The following SAMD5 variants were observed in gnomAD, a reference collection of about 807,000 sequenced individuals.
SAMD5 encodes the protein sterile alpha motif domain-containing protein 5.
SAMD5 carries 13 observed loss-of-function variants against 11.3 expected under a neutral mutation model. The observed-to-expected ratio is 1.15, with a 90% confidence interval of 0.75 to 1.83. The LOEUF is 1.83. Ranked by LOEUF, SAMD5 falls within the 40% of genes most tolerant of loss-of-function variation. SAMD5 has a pLI of 0.00. For missense variants in SAMD5, 255 were observed against 239.1 expected, an observed-to-expected ratio of 1.07 and a Z score of -0.44; for synonymous variants, 129 against 111.3, an observed-to-expected ratio of 1.16 and a Z score of -1.00.
intron 1 of SAMD5, among the ~76,000 whole-genome samples, chr6:147,599,520 T>G (rs6914840): frequency 0.34 from 52,195 of 152,092 alleles, 9,152 homozygotes; most frequent in South Asian, 0.37. Context: ...TTTAAATTCT[T>G]TTTTTCCAGA....
chr6:147,779,253 C>G, the SAMD5 span, among the ~76,000 whole-genome samples: 1 of 151,856 alleles, frequency 6.6e-6, no homozygotes, highest in Non-Finnish European at 1.5e-5. Flanking sequence ...GTTATTTTTC[C>G]TTGAAACTGC....
chr6:147,918,649 C>T, the SAMD5 span, among the ~76,000 whole-genome samples: 1 of 150,226 alleles, frequency 6.7e-6, no homozygotes, highest in Admixed American at 6.6e-5. Context: ...TCAGGGAAGA[C>T]TCAGGATACA....
chr6:147,754,941 C>T, the SAMD5 span, among the ~76,000 whole-genome samples: 2 of 151,972 alleles, frequency 1.3e-5, no homozygotes, highest in Non-Finnish European at 2.9e-5. Flanking sequence ...TATGCCAGTA[C>T]CATGCTGTTT....
At chr6:147,681,379 T>C (rs1790938127) in intron 1 of SAMD5, among the ~76,000 whole-genome samples, 1 of 152,106 alleles carries the variant, frequency 6.6e-6, no homozygotes, top group Non-Finnish European at 1.5e-5. Flanking sequence ...TCATAAAGTG[T>C]TTTGTTTGGG....
intron 1 of SAMD5, among the ~76,000 whole-genome samples, chr6:147,708,802 GA>G (rs1303067721): frequency 6.6e-6 from 1 of 152,182 alleles, no homozygotes; most frequent in Non-Finnish European, 1.5e-5. Flanking sequence ...GAGCCTCACA[GA>G]AGGATTTATG....
the SAMD5 span, among the ~76,000 whole-genome samples, chr6:147,910,714 T>C: frequency 2.6e-5 from 4 of 152,254 alleles, no homozygotes; most frequent in Non-Finnish European, 5.9e-5. Context: ...TAATTTGTGC[T>C]GGCCAGTCTA....
chr6:147,692,909 C>T (rs148337461), intron 1 of SAMD5, among the ~76,000 whole-genome samples: 137 of 152,328 alleles, frequency 9.0e-4, no homozygotes, highest in African/African-American at 2.9e-3. Context: ...CTCTTTAGCA[C>T]ACAATCTCCA....
the SAMD5 span, among the ~76,000 whole-genome samples, chr6:147,824,744 A>G: frequency 1.3e-5 from 2 of 152,164 alleles, no homozygotes; most frequent in African/African-American, 2.4e-5. Flanking sequence ...CTTACATACA[A>G]TAATTTTGTG....
the SAMD5 span, among the ~76,000 whole-genome samples, chr6:147,840,654 C>G: frequency 6.6e-6 from 1 of 152,202 alleles, no homozygotes; most frequent in South Asian, 2.1e-4. Flanking sequence ...CAAGAATTAT[C>G]TCTGCTGGTT....
chr6:147,514,404 G>A (rs1292787856), intron 1 of SAMD5, among the ~76,000 whole-genome samples: 2 of 151,868 alleles, frequency 1.3e-5, no homozygotes, highest in African/African-American at 4.8e-5. Context: ...AATGTTAGAT[G>A]TTGTGATCTA....
At chr6:147,817,456 C>A in the SAMD5 span, among the ~76,000 whole-genome samples, 1 of 152,364 alleles carries the variant, frequency 6.6e-6, no homozygotes, top group South Asian at 2.1e-4. Context: ...GAGGTTTCTT[C>A]ATAAAGTCAG....
intron 1 of SAMD5, among the ~76,000 whole-genome samples, chr6:147,729,281 G>T (rs1177938564): frequency 6.6e-6 from 1 of 152,126 alleles, no homozygotes; most frequent in African/African-American, 2.4e-5. Context: ...TTGGGGCTAG[G>T]ACTCAACATA....
At chr6:147,803,240 C>A in the SAMD5 span, among the ~76,000 whole-genome samples, 13 of 137,770 alleles carry the variant, frequency 9.4e-5, no homozygotes, top group African/African-American at 3.5e-4. Flanking sequence ...GTATATGTTT[C>A]TTCGTTGATT....
the SAMD5 span, among the ~76,000 whole-genome samples, chr6:147,904,240 G>A: frequency 3.3e-5 from 5 of 152,260 alleles, no homozygotes; most frequent in South Asian, 8.3e-4. Context: ...GTAGCCAGGG[G>A]ACTAGTTTTC....
At chr6:147,735,659 T>A (rs1228460010) in intron 1 of SAMD5, among the ~76,000 whole-genome samples, 3 of 152,192 alleles carry the variant, frequency 2.0e-5, no homozygotes, top group Admixed American at 6.5e-5. Flanking sequence ...TTTACTATTT[T>A]TTTTTTTTAC....
rs1789297985 is a variant in SAMD5, at chr6:147,581,539, A to AG, written c.162+72153dup. ...AGGAACAGGAAGGAGCTTTGAACCA[A>AG]GTAGGAGGGCAAAAACCAAGAGAAG... On this transcript the variant is annotated intron_variant, in intron 1 of 1. Coordinates refer to the SAMD5 transcript ENST00000566741. Among the ~76,000 whole-genome samples, 4 of 152,062 alleles carry AG rather than the reference A, an allele frequency of 2.6e-5. No individual in the cohort carries two copies. In the South Asian group the frequency reaches 8.3e-4, roughly 32 times the overall value.
chr6:147,790,364 A>G, the SAMD5 span, among the ~76,000 whole-genome samples: 1 of 152,214 alleles, frequency 6.6e-6, no homozygotes, highest in African/African-American at 2.4e-5. Context: ...AAAATGCCTA[A>G]TGATCAAAAC....
At chr6:147,951,012 T>G in the SAMD5 span, among the ~76,000 whole-genome samples, 1 of 151,290 alleles carries the variant, frequency 6.6e-6, no homozygotes, top group East Asian at 1.9e-4. Flanking sequence ...GTAGCCAGGC[T>G]TGGCTCTCCA....
At chr6:147,803,761 C>T in the SAMD5 span, among the ~76,000 whole-genome samples, 1 of 152,198 alleles carries the variant, frequency 6.6e-6, no homozygotes, top group African/African-American at 2.4e-5. Context: ...TGCTGTCTGA[C>T]TCCAGAGCCC....
Sources: allele counts gnomAD v4.1 joint callset (sites outside exome capture counted in the v4.1 genomes callset), GRCh38; gene constraint gnomAD v4.1.1; transcripts MANE v1.5; gene names NCBI Gene and HGNC (gene_info 2026-07-23, HGNC 2026-07-21).